FOXP2: variants seen among roughly 807,000 people sequenced by gnomAD.
FOXP2 encodes forkhead box protein P2.
A neutral mutation model predicts 115.8 loss-of-function variants in FOXP2; 12 were observed. The ratio of observed to expected loss-of-function variants is 0.10; its 90% CI spans 0.07 to 0.17. FOXP2 has a LOEUF of 0.17. Among genes scored for constraint, FOXP2 ranks in the 10% least tolerant of loss-of-function variants. The pLI is 1.00. For synonymous variants in FOXP2, 328 were observed against 297.7 expected (o/e 1.10, Z -1.05); for missense variants, 629 against 843.5 (o/e 0.75, Z 3.15).
At chr7:114,366,352 T>C (rs1318392637) in intron 2 of FOXP2, among the ~76,000 whole-genome samples, 1 of 152,200 alleles carries the variant, frequency 6.6e-6, no homozygotes, top group Non-Finnish European at 1.5e-5. Flanking sequence ...TGTGTTCTAA[T>C]CATAGAGTAA....
At chr7:114,314,269 T>A (rs1797219927) in intron 2 of FOXP2, among the ~76,000 whole-genome samples, 1 of 147,188 alleles carries the variant, frequency 6.8e-6, no homozygotes, top group Admixed American at 6.7e-5. Flanking sequence ...GTTTTATATA[T>A]AATATATATA....
At chr7:114,546,034 C>A (rs1412972277) in intron 3 of FOXP2, among the ~76,000 whole-genome samples, 1 of 152,150 alleles carries the variant, frequency 6.6e-6, no homozygotes, top group African/African-American at 2.4e-5. Flanking sequence ...TTCACATTTC[C>A]ACTATCTGGC....
intron 1 of FOXP2, among the ~76,000 whole-genome samples, chr7:114,185,623 C>A (rs1793574286): frequency 6.6e-6 from 1 of 152,082 alleles, no homozygotes; most frequent in Non-Finnish European, 1.5e-5. Context: ...AGCAAAGAAT[C>A]CCAAATTCCC....
chr7:114,259,725 A>G (rs1450140653), intron 1 of FOXP2, among the ~76,000 whole-genome samples: 1 of 152,216 alleles, frequency 6.6e-6, no homozygotes, highest in African/African-American at 2.4e-5. Flanking sequence ...AAACTGTAAA[A>G]TGATGCACTT....
intron 1 of FOXP2, among the ~76,000 whole-genome samples, chr7:114,199,229 C>T (rs1563002159): frequency 1.3e-5 from 2 of 152,074 alleles, no homozygotes. Flanking sequence ...GTAGTGACAA[C>T]TAGATATGTT....
intron 1 of FOXP2, among the ~76,000 whole-genome samples, chr7:114,121,177 C>T (rs1791553628): frequency 6.6e-6 from 1 of 151,886 alleles, no homozygotes. Flanking sequence ...GAGGATGGAG[C>T]CCTCGTGAAT....
intron 2 of FOXP2, among the ~76,000 whole-genome samples, chr7:114,381,108 T>C (rs1792280547): frequency 6.6e-6 from 1 of 152,216 alleles, no homozygotes; most frequent in Non-Finnish European, 1.5e-5. Flanking sequence ...GGCTATTTTG[T>C]CATACCTGTG....
chr7:114,177,645 G>C (rs1228635996), intron 1 of FOXP2, among the ~76,000 whole-genome samples: 1 of 151,896 alleles, frequency 6.6e-6, no homozygotes, highest in African/African-American at 2.4e-5. Flanking sequence ...ATGAGTTTTA[G>C]ACAATAACAT....
intron 14 of FOXP2, among the ~76,000 whole-genome samples, 158 bp downstream of exon 14, chr7:114,662,344 A>G (rs927142854): frequency 6.6e-6 from 1 of 152,076 alleles, no homozygotes; most frequent in Non-Finnish European, 1.5e-5. Flanking sequence ...GGTGGCATAA[A>G]TCAACAGTAG....
rs564082445 is a variant in FOXP2 at position 114,493,317 on chromosome 7, T to A, written c.169-41300T>A. Among the ~76,000 whole-genome samples, 14 of 152,286 alleles carry A rather than the reference T, an allele frequency of 9.2e-5. No individual in the cohort carries two copies. In the South Asian group the frequency reaches 2.9e-3, roughly 32 times the overall value. ...CCTATGTGTGTCTCTGCACGTGAGATGGGTTTCCTGAATACAGCACACTGA... is the reference window on the plus strand; with the variant it reads ...CCTATGTGTGTCTCTGCACGTGAGAAGGGTTTCCTGAATACAGCACACTGA... On this transcript the variant is annotated intron_variant, in intron 2 of 16. Coordinates refer to ENST00000350908, the MANE Select transcript of FOXP2 (RefSeq NM_014491.4).
chr7:114,576,039 A>G (rs575107831), intron 3 of FOXP2, among the ~76,000 whole-genome samples: 1 of 151,960 alleles, frequency 6.6e-6, no homozygotes, highest in East Asian at 1.9e-4. Context: ...TTATGATGGT[A>G]TTCATACTAT....
chr7:114,087,036 T>C (rs1488866704), upstream of FOXP2, among the ~76,000 whole-genome samples: 2 of 152,060 alleles, frequency 1.3e-5, no homozygotes, highest in Admixed American at 6.5e-5. Context: ...TTTGTTGTCT[T>C]TTCCCCTTCC....
intron 1 of FOXP2, among the ~76,000 whole-genome samples, chr7:114,156,125 C>T (rs2129149594): frequency 6.6e-6 from 1 of 151,970 alleles, no homozygotes; most frequent in Middle Eastern, 3.4e-3. Context: ...TCCTCCCACT[C>T]ACCCAACTCC....
intron 1 of FOXP2, among the ~76,000 whole-genome samples, chr7:114,215,630 G>A (rs973379032): frequency 1.3e-5 from 2 of 150,854 alleles, no homozygotes; most frequent in Non-Finnish European, 2.9e-5. Context: ...AGTACAGTGT[G>A]TACTTAGCAT....
In FOXP2 at chr7:114,574,550, A is replaced by G. The variant is rs575389367; in HGVS notation, c.258+39844A>G. Among the ~76,000 whole-genome samples, 5 of 151,934 alleles carry G rather than the reference A, an allele frequency of 3.3e-5. No homozygotes were observed. The East Asian group carries it at 5.8e-4, about 18-fold the overall frequency. On this transcript the variant is annotated intron_variant, in intron 3 of 16. Transcript: ENST00000350908. ...CTCTGCCAAGATTCTAAATTTCACA[A>G]TCTTTGGCTTCCTTACAAGATAGTA... is the stretch of plus-strand genomic sequence containing the variant.
chr7:114,413,091 A>G (rs1793204706), upstream of FOXP2, among the ~76,000 whole-genome samples: 1 of 152,122 alleles, frequency 6.6e-6, no homozygotes, highest in Admixed American at 6.6e-5. Context: ...GCTGAAGAGC[A>G]TTATGTTATC....
At chr7:114,150,728 A>G (rs1391926352) in intron 1 of FOXP2, among the ~76,000 whole-genome samples, 2 of 152,062 alleles carry the variant, frequency 1.3e-5, no homozygotes, top group South Asian at 2.1e-4. Flanking sequence ...AATTGCAATT[A>G]TGTCACTGGT....
chr7:114,292,351 C>G (rs1337942422), intron 2 of FOXP2, among the ~76,000 whole-genome samples: 1 of 151,990 alleles, frequency 6.6e-6, no homozygotes, highest in Non-Finnish European at 1.5e-5. Context: ...ATAGAGTTTT[C>G]TTACAGTACA....
At chr7:114,316,355 A>G (rs990998908) in intron 2 of FOXP2, among the ~76,000 whole-genome samples, 1 of 152,230 alleles carries the variant, frequency 6.6e-6, no homozygotes, top group African/African-American at 2.4e-5. Flanking sequence ...CGACCAGTTC[A>G]TTCATTCAGC....
Sources: gnomAD v4.1 joint callset for allele counts (sites outside exome capture counted in the v4.1 genomes callset) on GRCh38, gnomAD v4.1.1 for gene constraint, MANE v1.5 for transcripts, NCBI Gene and HGNC (gene_info 2026-07-23, HGNC 2026-07-21) for gene names.